Variants in NSUN2 observed in about 807,000 individuals in gnomAD.
NSUN2 encodes RNA cytosine C(5)-methyltransferase NSUN2.
Under a neutral mutation model 92.7 loss-of-function variants are expected in NSUN2, and 63 were observed. The observed-to-expected ratio is 0.68, with a 90% CI of 0.56 to 0.84. The LOEUF is 0.84. Ranked by LOEUF, NSUN2 falls within the 40% of genes least tolerant of loss-of-function variation. NSUN2 has a pLI of 0.00. For missense variants in NSUN2, 989 were observed against 964.9 expected, an observed-to-expected ratio of 1.02 and a Z score of -0.33; for synonymous variants, 356 against 348.3, an observed-to-expected ratio of 1.02 and a Z score of -0.25.
chr5:6,630,825 T>C (rs934835677), intron 3 of NSUN2, among the ~76,000 whole-genome samples: 1 of 152,196 alleles, frequency 6.6e-6, no homozygotes, highest in African/African-American at 2.4e-5. Flanking sequence ...CAGGGCGCAG[T>C]GGCTCACGCC....
rs756881403 is a variant in NSUN2, at chr5:6,631,964, T to A, written c.268A>T (p.Ile90Phe). 1 of 1,612,728 alleles carries A rather than the reference T, an allele frequency of 6.2e-7. No individual in the cohort carries two copies. Among genetic ancestry groups the A allele is most frequent in the South Asian group, 1.1e-5 (1 of 90,708 alleles). The change falls in exon 3 of 19, where the codon ATT becomes TTT. Residue 90 changes from isoleucine to phenylalanine, a missense_variant. Physicochemically the swap from Ile to Phe is conservative, Grantham distance 21 (BLOSUM62 0). Coordinates refer to ENST00000264670, the MANE Select transcript of NSUN2 (RefSeq NM_017755.6). ...TATTTGTTCTTTAAGCAATGGAGAA[T>A]CTCTTTTGCGTGGCTATTGAAAAAT... Reference protein sequence around the residue: ...ITGYKSHAKEILHCLKNKYFK... With the variant: ...ITGYKSHAKEFLHCLKNKYFK...
At chr5:6,622,376 A>G (rs1423611338) in intron 5 of NSUN2, among the ~76,000 whole-genome samples, 1 of 152,224 alleles carries the variant, frequency 6.6e-6, no homozygotes, top group African/African-American at 2.4e-5. Context: ...ATGAAAACAT[A>G]ATGCTAAGGA....
chr5:6,601,658 C>T (rs1471154283), intron 18 of NSUN2, among the ~76,000 whole-genome samples: 1 of 152,140 alleles, frequency 6.6e-6, no homozygotes, highest in Non-Finnish European at 1.5e-5. Flanking sequence ...GCACCTGCCT[C>T]AGGATCTGCG....
At chr5:6,617,836 C>T in intron 8 of NSUN2, 114 bp downstream of exon 8, 2 of 724,024 alleles carry the variant, frequency 2.8e-6, no homozygotes, top group Non-Finnish European at 4.4e-6. Context: ...GGCCATTGAC[C>T]ATCCTCTGAT....
intron 7 of NSUN2, among the ~76,000 whole-genome samples, chr5:6,618,401 A>G (rs1209068188): frequency 6.6e-6 from 1 of 152,268 alleles, no homozygotes; most frequent in East Asian, 1.9e-4. Flanking sequence ...AATCAGAATT[A>G]CATGAATAAT....
chr5:6,606,876 A>C lies in NSUN2; in HGVS notation c.1545T>G (p.Phe515Leu). The C allele has an allele frequency of 6.3e-7, 1 of 1,595,454 alleles. No individual in the cohort carries two copies. Among genetic ancestry groups the C allele is most frequent in the South Asian group, 1.1e-5 (1 of 90,404 alleles). The change falls in exon 14 of 19, where the codon TTT (phenylalanine) becomes TTG (leucine). Residue 515 changes from phenylalanine to leucine, a missense_variant. Coordinates refer to ENST00000264670, the MANE Select transcript of NSUN2 (RefSeq NM_017755.6). ...GAATAAATACAAATGGATCTTCTTT[A>C]AATCCAAATAACTTCATTTTCTTTG... ...PPSKKMKLFG[F>L]KEDPFVFIPE...
At chr5:6,618,064 G>A in intron 7 of NSUN2, 40 bp from the exon 8 acceptor site, 2 of 1,375,668 alleles carry the variant, frequency 1.5e-6, no homozygotes, top group Non-Finnish European at 2.1e-6. Flanking sequence ...CTCCCTACAG[G>A]TGGATGACTG....
Position 6,602,423 on chromosome 5 carries a change from G to A in NSUN2, c.1997+38C>T, listed in dbSNP as rs1205881500. The stretch of plus-strand genomic sequence containing the variant: ...ACGAGAACACTGTAGCTAATGACAA[G>A]GCGTGTGTGTCTAAGGGCAGGGCGT... On this transcript the variant is annotated intron_variant, in intron 18 of 18. Coordinates refer to ENST00000264670, the MANE Select transcript of NSUN2 (RefSeq NM_017755.6). 1.9e-6 allele frequency: 3 copies of A among 1,597,152 alleles called. No individual in the cohort carries two copies. In the South Asian group the frequency reaches 3.3e-5, roughly 18 times the overall value.
intron 7 of NSUN2, 93 bp downstream of exon 7, chr5:6,620,013 A>G: frequency 9.0e-7 from 1 of 1,108,654 alleles, no homozygotes; most frequent in Non-Finnish European, 1.3e-6. Flanking sequence ...ACTTATGTAC[A>G]ATTGTGTCAT....
chr5:6,632,525 G>A (rs576014164), intron 2 of NSUN2, 74 bp downstream of exon 2: 156 of 1,541,980 alleles, frequency 1.0e-4, no homozygotes, highest in Admixed American at 1.6e-4. Flanking sequence ...AACACTTGTC[G>A]AAGAAAACAC....
intron 3 of NSUN2, among the ~76,000 whole-genome samples, chr5:6,628,602 C>G (rs1190195431): frequency 2.0e-5 from 3 of 152,240 alleles, no homozygotes; most frequent in Non-Finnish European, 4.4e-5. Flanking sequence ...AAGAATATTA[C>G]ATGATCTATT....
Position 6,620,246 on chromosome 5 carries a change from G to T in NSUN2, c.675C>A (p.Val225=). The T allele has an allele frequency of 6.2e-7, 1 of 1,610,798 alleles. No homozygotes were observed. The highest frequency in any genetic ancestry group is 8.5e-7 in the Non-Finnish European group (1 of 1,178,836). The change falls in exon 7 of 19, where the codon GTC becomes GTA. Residue 225 remains valine (V), a synonymous_variant. Coordinates refer to ENST00000264670, the MANE Select transcript of NSUN2 (RefSeq NM_017755.6). ...GGCTGCTCAGCCTCTTGGCTTGATG[G>T]ACGAGCAGGTAGCAGCGCTTGTTGT... is the stretch of plus-strand genomic sequence containing the variant. ...DVDNKRCYLL[V]HQAKRLSSPC... is the part of the protein sequence containing the mutation.
rs10051208 is a variant in NSUN2, at chr5:6,607,110, C to T, written c.1508+90G>A. 3.7e-3 allele frequency: 5,053 copies of T among 1,380,882 alleles called. 173 individuals carry two copies. The African/African-American group carries it at 0.06, about 17-fold the overall frequency. The allele number at this position is 1,380,882 out of a possible 1,614,324, so 85.5% of individuals were successfully genotyped here. A position where few individuals can be genotyped will look rare whatever the true frequency, so the allele number is the denominator to read the frequency against. On this transcript the variant is annotated intron_variant, in intron 13 of 18. Transcript: ENST00000264670. ...CCACACATGTACTGCCCCCTCAAAC[C>T]GACCAAGAAGTGGCTCTGGGATCCC...
At chr5:6,615,129 C>A (rs1290229983) in intron 9 of NSUN2, among the ~76,000 whole-genome samples, 1 of 152,134 alleles carries the variant, frequency 6.6e-6, no homozygotes, top group Non-Finnish European at 1.5e-5. Context: ...CCGGGGGAAG[C>A]TGTCTTTACA....
At chr5:6,622,139 A>G in intron 5 of NSUN2, 39 bp from the exon 6 acceptor site, 1 of 1,485,398 alleles carries the variant, frequency 6.7e-7, no homozygotes, top group South Asian at 1.2e-5. Flanking sequence ...GTTTTTAAAA[A>G]ACCAAATATT....
In NSUN2 at chr5:6,617,967, A is replaced by T; in HGVS notation, c.873T>A (p.Asn291Lys). The T allele has an allele frequency of 6.2e-7, 1 of 1,613,538 alleles. No homozygotes were observed. The highest frequency in any genetic ancestry group is 8.5e-7 in the Non-Finnish European group (1 of 1,179,532). The change falls in exon 8 of 19, where the codon AAT becomes AAA. Residue 291 changes from asparagine to lysine, a missense_variant. By Grantham distance (94) the Asn-to-Lys change is moderately conservative. Transcript: ENST00000264670. ...IDVWKKWTTL[N>K]SLQLHGLQLR... The stretch of plus-strand genomic sequence containing the variant: ...TTACTTACCCATGTAGCTGCAAGCT[A>T]TTTAAGGTGGTCCACTTTTTCCAAA...
chr5:6,627,355 C>A (rs552700532), intron 3 of NSUN2, among the ~76,000 whole-genome samples: 1 of 152,212 alleles, frequency 6.6e-6, no homozygotes, highest in Non-Finnish European at 1.5e-5. Context: ...AGTATCTGGT[C>A]TTCCTGAACT....
rs376127175 is a variant in NSUN2 at position 6,614,313 on chromosome 5, G to A, written c.1021+2414C>T. On this transcript the variant is annotated intron_variant, in intron 9 of 18. Coordinates refer to ENST00000264670, the MANE Select transcript of NSUN2 (RefSeq NM_017755.6). ...CCACAATCAAGAAAGGTTTCAGACC[G>A]GATGAAGACGAACCCATCAGTACCC... is the stretch of plus-strand genomic sequence containing the variant. Among the ~76,000 whole-genome samples the A allele has an allele frequency of 9.9e-4, 151 of 152,218 alleles. 1 individual carries two copies. Among genetic ancestry groups the A allele is most frequent in the South Asian group, 7.5e-3 (36 of 4,814 alleles).
At chr5:6,628,113 C>G (rs1218152399) in intron 3 of NSUN2, among the ~76,000 whole-genome samples, 1 of 152,134 alleles carries the variant, frequency 6.6e-6, no homozygotes, top group Non-Finnish European at 1.5e-5. Context: ...TTTGGGAGAC[C>G]AAGGTGGGCG....
Sources: gnomAD v4.1 joint callset for allele counts (sites outside exome capture counted in the v4.1 genomes callset) on GRCh38, gnomAD v4.1.1 for gene constraint, MANE v1.5 for transcripts, NCBI Gene and HGNC (gene_info 2026-07-23, HGNC 2026-07-21) for gene names.